The following SLC41A3 variants were observed in gnomAD, a reference collection of about 807,000 sequenced individuals.
SLC41A3 encodes SLC41A1-like 2.
In SLC41A3, 44 loss-of-function variants were observed where a neutral mutation model predicts 45.4. The ratio of observed to expected loss-of-function variants is 0.97; its 90% confidence interval spans 0.76 to 1.25. The LOEUF (loss-of-function observed/expected upper bound fraction) is 1.25. Among genes scored for constraint, SLC41A3 ranks in the 50% most tolerant of loss-of-function variants. SLC41A3 has a pLI of 0.00. For synonymous variants in SLC41A3, 256 were observed against 252.4 expected (o/e 1.01, Z -0.13); for missense variants, 550 against 600.6 (o/e 0.92, Z 0.88).
Position 126,067,949 on chromosome 3 carries a change from G to C in SLC41A3, c.271C>G (p.Gln91Glu). The C allele has an allele frequency of 6.3e-7, 1 of 1,592,186 alleles. No homozygotes were observed. The highest frequency in any genetic ancestry group is 8.6e-7 in the Non-Finnish European group (1 of 1,168,930). The change falls in exon 2 of 11, where the codon CAG becomes GAG. Residue 91 changes from glutamine (Q) to glutamate (E), a missense_variant and splice_region_variant. Transcript: ENST00000360370. ...GTCCCCATTTAGTTCCCTCTTACCT[G>C]GAAATAGTCCAGAAGCATGCCGGCC... ...SWAGMLLDYF[Q>E]HWPVFVEVKD...
At chr3:126,035,310 A>G (rs1367320327) in intron 3 of SLC41A3, among the ~76,000 whole-genome samples, 1 of 152,078 alleles carries the variant, frequency 6.6e-6, no homozygotes, top group Non-Finnish European at 1.5e-5. Context: ...TTTAGTATAG[A>G]GAAGACCACT....
At position 126,006,706 on chromosome 3, in the gene SLC41A3, CTCT is replaced by C. The variant is rs1186871062; in HGVS notation, c.*307_*309del. 13 of 1,456,594 alleles carry C rather than the reference CTCT, an allele frequency of 8.9e-6. No homozygotes were observed. The highest frequency in any genetic ancestry group is 5.7e-5 in the Admixed American group (2 of 35,004). The allele number at this position is 1,456,594 out of a possible 1,614,324, so 90.2% of individuals were successfully genotyped here. Reference sequence around the variant, plus strand: ...ACCCTGCAAAGCATACTGGACATGCCTCTTCTTTACCTTCTCAGGCCAGAACAC... The same window carrying C: ...ACCCTGCAAAGCATACTGGACATGCCTCTTTACCTTCTCAGGCCAGAACAC... On this transcript the variant is annotated 3_prime_UTR_variant, in exon 11 of 11. Coordinates refer to ENST00000360370, the MANE Select transcript of SLC41A3 (RefSeq NM_017836.4).
chr3:126,059,016 T>A (rs1048983746), intron 2 of SLC41A3, among the ~76,000 whole-genome samples: 1 of 151,478 alleles, frequency 6.6e-6, no homozygotes, highest in Non-Finnish European at 1.5e-5. Context: ...CACTTTTGCA[T>A]AACAGAAGCA....
At chr3:126,064,971 G>T (rs182374394) in intron 2 of SLC41A3, among the ~76,000 whole-genome samples, 2 of 152,366 alleles carry the variant, frequency 1.3e-5, no homozygotes, top group Admixed American at 1.3e-4. Flanking sequence ...TTCACCCAAG[G>T]GAGGTTTCTC....
chr3:126,100,554 A>C (rs988626607), intron 1 of SLC41A3, among the ~76,000 whole-genome samples: 2 of 152,326 alleles, frequency 1.3e-5, no homozygotes, highest in Admixed American at 6.5e-5. Flanking sequence ...GAAGGTCATA[A>C]GAAACAGCTG....
In SLC41A3 at chr3:126,033,648, C is replaced by A. The variant is rs752128529; in HGVS notation, c.412G>T (p.Glu138Ter). Residue 138 changes from glutamate (E) to a stop codon, truncating the protein, a stop_gained, in exon 4 of 11, where the codon GAG (glutamate) becomes TAG (stop). Coordinates refer to ENST00000360370, the MANE Select transcript of SLC41A3 (RefSeq NM_017836.4). LOFTEE classifies it high-confidence loss of function. ...TTGCTGCTGATGACTCTGTGCTGCT[C>A]CTGGGGGTCATCAATTTGTCCAGTG... is the stretch of plus-strand genomic sequence containing the variant. ...ANTGQIDDPQ[E>*]QHRVISSNLA... 1.4e-5 allele frequency: 22 copies of A among 1,612,990 alleles called. No homozygotes were observed. Among genetic ancestry groups the A allele is most frequent in the Non-Finnish European group, 1.8e-5 (21 of 1,179,896 alleles).
chr3:126,072,518 A>G (rs1304908676), intron 1 of SLC41A3, among the ~76,000 whole-genome samples: 3 of 152,244 alleles, frequency 2.0e-5, no homozygotes, highest in Admixed American at 1.3e-4. Context: ...CATTACAACC[A>G]AAACTAAACA....
chr3:126,095,589 A>G (rs1945583512), intron 1 of SLC41A3, among the ~76,000 whole-genome samples: 1 of 152,240 alleles, frequency 6.6e-6, no homozygotes, highest in African/African-American at 2.4e-5. Context: ...TCTATGACAC[A>G]GTTACACATG....
chr3:126,037,361 T>C (rs1394240828), intron 3 of SLC41A3, among the ~76,000 whole-genome samples: 1 of 152,178 alleles, frequency 6.6e-6, no homozygotes, highest in African/African-American at 2.4e-5. Flanking sequence ...AGTTTGGAAC[T>C]TCGTACAGAC....
chr3:126,052,937 A>G (rs978953535), intron 2 of SLC41A3, among the ~76,000 whole-genome samples: 2 of 152,202 alleles, frequency 1.3e-5, no homozygotes, highest in Non-Finnish European at 2.9e-5. Flanking sequence ...CGGGGCTTTC[A>G]GCAGGAAGCC....
At chr3:126,015,458 A>C in intron 8 of SLC41A3, 36 bp downstream of exon 8, 1 of 1,609,528 alleles carries the variant, frequency 6.2e-7, no homozygotes, top group Non-Finnish European at 8.5e-7. Flanking sequence ...GGCCTACCCA[A>C]CCCAGGGACC....
Position 126,012,644 on chromosome 3 carries a change from G to T in SLC41A3, c.1076C>A (p.Pro359His). 6.2e-7 allele frequency: 1 copy of T among 1,614,176 alleles called. No individual in the cohort carries two copies. The highest frequency in any genetic ancestry group is 1.1e-5 in the South Asian group (1 of 91,084). The change falls in exon 9 of 11, where the codon CCC (proline) becomes CAC (histidine). Residue 359 changes from proline (P) to histidine (H), a missense_variant. Physicochemically the swap from Pro to His is moderately conservative, Grantham distance 77. Coordinates refer to ENST00000360370, the MANE Select transcript of SLC41A3 (RefSeq NM_017836.4). ...VLPLQMKKFW[P>H]NPCSTFCTSE... ...CGTGCAGAAAGTAGAACACGGGTTGGGCCAGAATTTCTTCATCTGGAGGGG... is the reference window on the plus strand; with the variant it reads ...CGTGCAGAAAGTAGAACACGGGTTGTGCCAGAATTTCTTCATCTGGAGGGG...
In SLC41A3 at chr3:126,008,916, G is replaced by A. The variant is rs369818991; in HGVS notation, c.1106-36C>T. 949 of 1,608,272 alleles carry A rather than the reference G, an allele frequency of 5.9e-4. 1 individual carries two copies. The highest frequency in any genetic ancestry group is 6.6e-4 in the Non-Finnish European group (776 of 1,175,392). On this transcript the variant is annotated intron_variant, in intron 9 of 10. Coordinates refer to ENST00000360370, the MANE Select transcript of SLC41A3 (RefSeq NM_017836.4). ...CAGAACCAAGAAGGTCATGTGACCT[G>A]AAGCGAGGCCACTTTGGCATGTGAC...
In SLC41A3 at chr3:126,050,815, AT is replaced by A. The variant is rs1413173522; in HGVS notation, c.381+127del. 4.2e-5 allele frequency: 59 copies of A among 1,403,554 alleles called. No individual in the cohort carries two copies. The East Asian group carries it at 1.3e-3, about 31-fold the overall frequency. The allele number at this position is 1,403,554 out of a possible 1,614,324, so 86.9% of individuals were successfully genotyped here. On this transcript the variant is annotated intron_variant, in intron 3 of 10. Transcript: ENST00000360370. ...GGGACAAGGGACAGCATGATGAGGTATCAAAACCCAGAAATATCCATTGTTT... is the reference window on the plus strand; with the variant it reads ...GGGACAAGGGACAGCATGATGAGGTACAAAACCCAGAAATATCCATTGTTT...
chr3:126,016,730 C>T lies in SLC41A3; in HGVS notation c.890+1G>A, dbSNP rs76975235. 1 of 1,606,452 alleles carries T rather than the reference C, an allele frequency of 6.2e-7. No individual in the cohort carries two copies. The highest frequency in any genetic ancestry group is 8.5e-7 in the Non-Finnish European group (1 of 1,177,190). ...GGGCCGTGGCCCTGGCTCCTGCTCA[C>T]CTGCTGATGACCATGGCCAGGATGA... On this transcript the variant is annotated splice_donor_variant, in intron 7 of 10. Coordinates refer to ENST00000360370, the MANE Select transcript of SLC41A3 (RefSeq NM_017836.4). LOFTEE classifies it high-confidence loss of function.
At chr3:126,051,737 G>A (rs1331018164) in intron 2 of SLC41A3, among the ~76,000 whole-genome samples, 1 of 152,094 alleles carries the variant, frequency 6.6e-6, no homozygotes, top group Admixed American at 6.5e-5. Context: ...CAGTTTTAAT[G>A]CCCCACCTGA....
intron 7 of SLC41A3, 38 bp downstream of exon 7, chr3:126,016,693 G>A (rs183729762): frequency 3.7e-4 from 587 of 1,583,956 alleles, no homozygotes; most frequent in Middle Eastern, 8.8e-4. Flanking sequence ...TCATGGCTGA[G>A]AGGAGGAAGA....
At chr3:126,078,813 C>A (rs1945005253) in intron 1 of SLC41A3, among the ~76,000 whole-genome samples, 1 of 152,124 alleles carries the variant, frequency 6.6e-6, no homozygotes, top group South Asian at 2.1e-4. Flanking sequence ...TCCTCAGTTT[C>A]TCCCCTCTAC....
intron 2 of SLC41A3, among the ~76,000 whole-genome samples, chr3:126,055,310 C>T (rs952553854): frequency 1.3e-5 from 2 of 151,998 alleles, no homozygotes; most frequent in South Asian, 4.1e-4. Flanking sequence ...GTCAGGAGTT[C>T]GAGACCAGCC....
Sources: allele counts gnomAD v4.1 joint callset (sites outside exome capture counted in the v4.1 genomes callset), GRCh38; gene constraint gnomAD v4.1.1; transcripts MANE v1.5; gene names NCBI Gene and HGNC (gene_info 2026-07-23, HGNC 2026-07-21).